Variants in GABRG3 observed in about 807,000 individuals in gnomAD.
GABRG3 encodes gamma-aminobutyric acid receptor subunit gamma-3.
Under a neutral mutation model 48.8 loss-of-function variants are expected in GABRG3, and 25 were observed. The ratio of observed to expected loss-of-function variants is 0.51; its 90% CI spans 0.37 to 0.72. GABRG3 has a LOEUF of 0.72. GABRG3 is among the 30% of genes least tolerant of loss of function. The pLI is 0.00. For missense variants in GABRG3, 394 were observed against 577.9 expected, an observed-to-expected ratio of 0.68 and a Z score of 3.26; for synonymous variants, 227 against 217.6, an observed-to-expected ratio of 1.04 and a Z score of -0.38.
At chr15:27,431,079 T>A (rs1172982339) in intron 5 of GABRG3, among the ~76,000 whole-genome samples, 1 of 151,960 alleles carries the variant, frequency 6.6e-6, no homozygotes, top group Admixed American at 6.6e-5. Flanking sequence ...CTCAATTCTG[T>A]TTTACTTGTC....
Position 27,534,245 on chromosome 15 carries a change from C to T in GABRG3, c.*1364C>T, listed in dbSNP as rs1177078149. 1 of 151,990 alleles carries T rather than the reference C, an allele frequency of 6.6e-6. No homozygotes were observed. Among genetic ancestry groups the T allele is most frequent in the African/African-American group, 2.4e-5 (1 of 41,362 alleles). The allele number at this position is 151,990 out of a possible 1,614,324, so 9.4% of individuals were successfully genotyped here. A position where few individuals can be genotyped will look rare whatever the true frequency, so the allele number is the denominator to read the frequency against. The stretch of plus-strand genomic sequence containing the variant: ...CAAAAAAATGGGCAATGGTGATCAT[C>T]AAGTACATATTTTGATGAACAAGAT... On this transcript the variant is annotated 3_prime_UTR_variant, in exon 10 of 10. Coordinates refer to ENST00000615808, the MANE Select transcript of GABRG3 (RefSeq NM_033223.5).
chr15:27,306,258 CTA>C (rs1892432948), intron 3 of GABRG3, among the ~76,000 whole-genome samples: 1 of 137,412 alleles, frequency 7.3e-6, no homozygotes, highest in Admixed American at 7.7e-5. Flanking sequence ...ATAAACATGT[CTA>C]TATGTAAACA....
At chr15:27,336,528 T>C (rs1893982660) in intron 5 of GABRG3, among the ~76,000 whole-genome samples, 1 of 152,154 alleles carries the variant, frequency 6.6e-6, no homozygotes, top group Admixed American at 6.5e-5. Context: ...AGTGGGAACA[T>C]CAAATCCTGG....
At chr15:27,407,460 G>T (rs1887672658) in intron 5 of GABRG3, among the ~76,000 whole-genome samples, 1 of 152,136 alleles carries the variant, frequency 6.6e-6, no homozygotes. Flanking sequence ...ACACTCCTTG[G>T]TATTTGCCCA....
intron 2 of GABRG3, among the ~76,000 whole-genome samples, chr15:27,016,100 T>C (rs1895773603): frequency 1.3e-5 from 2 of 152,138 alleles, no homozygotes; most frequent in Non-Finnish European, 2.9e-5. Flanking sequence ...TTTTTATATA[T>C]TTATATGGCT....
At chr15:27,009,743 C>T (rs1188711270) in intron 2 of GABRG3, among the ~76,000 whole-genome samples, 1 of 152,174 alleles carries the variant, frequency 6.6e-6, no homozygotes, top group Non-Finnish European at 1.5e-5. Flanking sequence ...GTCTGGCCAT[C>T]CTATGGTGAT....
chr15:27,107,792 T>G (rs1225465880), intron 3 of GABRG3, among the ~76,000 whole-genome samples: 1 of 151,950 alleles, frequency 6.6e-6, no homozygotes, highest in Non-Finnish European at 1.5e-5. Flanking sequence ...TTTAAAAGAA[T>G]TGGTTCATTT....
At chr15:27,183,076 A>T (rs892548026) in intron 3 of GABRG3, among the ~76,000 whole-genome samples, 2 of 151,940 alleles carry the variant, frequency 1.3e-5, no homozygotes, top group African/African-American at 4.8e-5. Flanking sequence ...TAAATCCTTA[A>T]TGTCTAATTT....
At chr15:27,097,917 T>G (rs1003495575) in intron 3 of GABRG3, among the ~76,000 whole-genome samples, 2 of 150,156 alleles carry the variant, frequency 1.3e-5, no homozygotes, top group Non-Finnish European at 2.9e-5. Context: ...TTAGCTAATT[T>G]TTTTCTTCTT....
intron 3 of GABRG3, among the ~76,000 whole-genome samples, chr15:27,315,149 T>C (rs1221761314): frequency 1.3e-5 from 2 of 152,220 alleles, no homozygotes; most frequent in South Asian, 2.1e-4. Context: ...TTAAAATCAA[T>C]AATGTCTTTT....
intron 3 of GABRG3, among the ~76,000 whole-genome samples, chr15:27,093,562 T>C (rs934525180): frequency 6.6e-6 from 1 of 152,224 alleles, no homozygotes; most frequent in Admixed American, 6.5e-5. Context: ...ATGTTGATCC[T>C]TCTATTGGAC....
chr15:27,268,138 G>A (rs995961657), intron 3 of GABRG3, among the ~76,000 whole-genome samples: 1 of 152,088 alleles, frequency 6.6e-6, no homozygotes, highest in Non-Finnish European at 1.5e-5. Context: ...GATATTGTTA[G>A]TACATTCACT....
At chr15:27,482,011 C>A (rs1326668205) in intron 6 of GABRG3, among the ~76,000 whole-genome samples, 1 of 152,080 alleles carries the variant, frequency 6.6e-6, no homozygotes, top group Admixed American at 6.6e-5. Flanking sequence ...TCCTGGTGTT[C>A]TCAAAACAAA....
chr15:27,307,363 C>G (rs202006753), intron 3 of GABRG3, among the ~76,000 whole-genome samples: 1 of 25,842 alleles, frequency 3.9e-5, no homozygotes, highest in East Asian at 4.3e-4. Flanking sequence ...TTATATATAA[C>G]CATATAGGTT....
Position 27,007,182 on chromosome 15 carries a change from C to A in GABRG3, c.203-19572C>A, listed in dbSNP as rs140777714. On this transcript the variant is annotated intron_variant, in intron 2 of 9. Coordinates refer to ENST00000615808, the MANE Select transcript of GABRG3 (RefSeq NM_033223.5). ...GCAGCCTCTGCTCTCCAGGCTCAAGCGATCCTCCCATCTCAGCCTCTTGAG... is the reference window on the plus strand; with the variant it reads ...GCAGCCTCTGCTCTCCAGGCTCAAGAGATCCTCCCATCTCAGCCTCTTGAG... Among the ~76,000 whole-genome samples, 5 of 151,660 alleles carry A rather than the reference C, an allele frequency of 3.3e-5. No individual in the cohort carries two copies. The East Asian group carries it at 9.7e-4, about 29-fold the overall frequency.
intron 2 of GABRG3, among the ~76,000 whole-genome samples, chr15:26,992,802 A>G (rs1012763051): frequency 1.3e-5 from 2 of 152,100 alleles, no homozygotes; most frequent in Non-Finnish European, 2.9e-5. Context: ...AGTTATTTAA[A>G]TATTTGGTAG....
At chr15:27,219,899 C>G (rs185635252) in intron 3 of GABRG3, among the ~76,000 whole-genome samples, 1 of 152,198 alleles carries the variant, frequency 6.6e-6, no homozygotes, top group East Asian at 1.9e-4. Context: ...TTCATAAGAA[C>G]GACTCCTTAT....
rs1887843208 is a variant in GABRG3, at chr15:27,179,199, T to C, written c.271-147610T>C. ...TCAGAAATTCTAATCAATGCCTGTA[T>C]CAGAAATATTGCTTACTCCTATCAT... On this transcript the variant is annotated intron_variant, in intron 3 of 9. Transcript: ENST00000615808. This position sits in a 1 kb window ranked among gnomAD's most constrained non-coding sequence, Gnocchi z 4.0. 6.6e-6 allele frequency among the ~76,000 whole-genome samples: 1 copy of C among 152,190 alleles called. No homozygotes were observed.
chr15:27,104,607 C>T (rs544789918), intron 3 of GABRG3, among the ~76,000 whole-genome samples: 1 of 152,318 alleles, frequency 6.6e-6, no homozygotes, highest in African/African-American at 2.4e-5. Context: ...GGTCGCCTGG[C>T]CTCAGTGGGT....
Sources: gnomAD v4.1 joint callset for allele counts (sites outside exome capture counted in the v4.1 genomes callset) on GRCh38, gnomAD v4.1.1 for gene constraint, Gnocchi (gnomAD v3.1) non-coding constraint, MANE v1.5 for transcripts, NCBI Gene and HGNC (gene_info 2026-07-23, HGNC 2026-07-21) for gene names.